Variants in STK3 observed in about 807,000 individuals in gnomAD.
STK3 encodes the protein serine/threonine kinase 3, also known as serine/threonine-protein kinase 3.
Under a neutral mutation model 58.0 loss-of-function variants are expected in STK3, and 41 were observed. The observed-to-expected ratio is 0.71, with a 90% CI of 0.55 to 0.92. The LOEUF (loss-of-function observed/expected upper bound fraction) is 0.92, where lower values mean the gene tolerates loss of function less well. Among genes scored for constraint, STK3 ranks in the 40% least tolerant of loss-of-function variants. The pLI is 0.00. For missense variants in STK3, 479 were observed against 602.7 expected (o/e 0.79, Z 2.15); for synonymous variants, 170 against 191.0 (o/e 0.89, Z 0.91).
chr8:98,682,699 T>C (rs1488033131), intron 6 of STK3, among the ~76,000 whole-genome samples: 2 of 152,150 alleles, frequency 1.3e-5, no homozygotes, highest in African/African-American at 2.4e-5. Context: ...AAAATGCATA[T>C]TTATTTTATA....
chr8:98,843,642 C>T (rs1467025535), intron 3 of STK3, among the ~76,000 whole-genome samples: 1 of 152,176 alleles, frequency 6.6e-6, no homozygotes, highest in African/African-American at 2.4e-5. Flanking sequence ...CTCAAACTGT[C>T]GGCTTGACCA....
At chr8:98,470,081 C>G (rs1380124793) in intron 10 of STK3, among the ~76,000 whole-genome samples, 1 of 152,188 alleles carries the variant, frequency 6.6e-6, no homozygotes, top group African/African-American at 2.4e-5. Flanking sequence ...CATTCTTAGA[C>G]AAGAACACCG....
At chr8:98,748,265 T>C (rs987069210) in intron 4 of STK3, among the ~76,000 whole-genome samples, 5 of 152,170 alleles carry the variant, frequency 3.3e-5, no homozygotes, top group African/African-American at 1.2e-4. Flanking sequence ...TCAAGAATCA[T>C]CTGATTTACA....
At chr8:98,664,635 G>T (rs1054625698) in intron 6 of STK3, among the ~76,000 whole-genome samples, 1 of 151,998 alleles carries the variant, frequency 6.6e-6, no homozygotes, top group East Asian at 1.9e-4. Context: ...TCCCTTCAAG[G>T]GTACTTTATA....
At chr8:98,525,655 T>A (rs1825690320) in intron 10 of STK3, among the ~76,000 whole-genome samples, 1 of 152,104 alleles carries the variant, frequency 6.6e-6, no homozygotes, top group Non-Finnish European at 1.5e-5. Flanking sequence ...AAATATTAAG[T>A]AGACATTGCA....
At chr8:98,678,001 T>C (rs1375698407) in intron 6 of STK3, among the ~76,000 whole-genome samples, 1 of 152,178 alleles carries the variant, frequency 6.6e-6, no homozygotes, top group African/African-American at 2.4e-5. Context: ...TTTGTATTTT[T>C]TGGCAGGTAC....
intron 3 of STK3, among the ~76,000 whole-genome samples, chr8:98,856,254 T>C (rs1468430524): frequency 6.7e-6 from 1 of 148,520 alleles, no homozygotes; most frequent in African/African-American, 2.5e-5. Context: ...GAGGTGGAGG[T>C]TGCTGTGAGC....
chr8:98,347,140 C>A, the STK3 span, among the ~76,000 whole-genome samples: 1 of 151,480 alleles, frequency 6.6e-6, no homozygotes, highest in Non-Finnish European at 1.5e-5. Context: ...TATTATAAAC[C>A]CTATAGCAGC....
chr8:98,419,223 T>A (rs571269512), intron 3 of STK3, among the ~76,000 whole-genome samples: 1 of 152,208 alleles, frequency 6.6e-6, no homozygotes, highest in Non-Finnish European at 1.5e-5. Context: ...TAGCTGGGCG[T>A]GGTGGTGGGC....
At chr8:98,762,435 T>C (rs941806285) in intron 3 of STK3, among the ~76,000 whole-genome samples, 2 of 152,154 alleles carry the variant, frequency 1.3e-5, no homozygotes, top group Non-Finnish European at 2.9e-5. Flanking sequence ...TTTGTATTTT[T>C]AGTAGAGACG....
intron 1 of STK3, among the ~76,000 whole-genome samples, chr8:98,908,534 C>T (rs1839002219): frequency 6.6e-6 from 1 of 152,150 alleles, no homozygotes; most frequent in Admixed American, 6.5e-5. Context: ...TCCTGGGCAA[C>T]AGACCAAGAC....
downstream of STK3, among the ~76,000 whole-genome samples, chr8:98,366,729 T>C (rs573149235): frequency 3.8e-4 from 56 of 145,576 alleles, 1 homozygote; most frequent in South Asian, 6.4e-3. Context: ...CACCCCCACC[T>C]GGCTTCAGCT....
chr8:98,801,991 G>A (rs1486260650), intron 1 of STK3, among the ~76,000 whole-genome samples: 1 of 152,120 alleles, frequency 6.6e-6, no homozygotes, highest in African/African-American at 2.4e-5. Flanking sequence ...GGGCAATGTA[G>A]CAAGATCCTG....
intron 1 of STK3, among the ~76,000 whole-genome samples, chr8:98,447,701 T>C (rs1191295599): frequency 1.4e-5 from 2 of 147,600 alleles, no homozygotes; most frequent in East Asian, 3.9e-4. Context: ...ATACTATATA[T>C]AGTATCTATA....
intron 6 of STK3, among the ~76,000 whole-genome samples, chr8:98,604,953 G>C (rs1302609177): frequency 6.6e-6 from 1 of 152,058 alleles, no homozygotes; most frequent in African/African-American, 2.4e-5. Flanking sequence ...CCAGGGCAGG[G>C]GTAAAATGCC....
intron 1 of STK3, among the ~76,000 whole-genome samples, chr8:98,795,830 ACAATACAAT>A (rs1279567834): frequency 6.6e-6 from 1 of 151,698 alleles, no homozygotes; most frequent in East Asian, 1.9e-4. Context: ...ACAATACAAT[ACAATACAAT>A]ACAATACAAT....
intron 6 of STK3, among the ~76,000 whole-genome samples, chr8:98,686,021 G>A (rs1029030248): frequency 6.6e-6 from 1 of 152,076 alleles, no homozygotes; most frequent in African/African-American, 2.4e-5. Flanking sequence ...ACAGTGTATA[G>A]CTTCCTATTC....
chr8:98,356,769 C>A, the STK3 span, among the ~76,000 whole-genome samples: 1 of 152,162 alleles, frequency 6.6e-6, no homozygotes, highest in Non-Finnish European at 1.5e-5. Context: ...ATAGGTTAGG[C>A]GTTACTTTCA....
At chr8:98,875,823 C>T (rs1300425331) in intron 3 of STK3, 1 of 152,186 alleles carries the variant, frequency 6.6e-6, no homozygotes, top group East Asian at 1.9e-4. Context: ...AGATCATTAT[C>T]ACAATGATTA....
Sources: gnomAD v4.1 joint callset for allele counts (sites outside exome capture counted in the v4.1 genomes callset) on GRCh38, gnomAD v4.1.1 for gene constraint, MANE v1.5 for transcripts, NCBI Gene and HGNC (gene_info 2026-07-23, HGNC 2026-07-21) for gene names.